CAPRIN2: variants seen among roughly 807,000 people sequenced by gnomAD.
CAPRIN2 encodes caprin family member 2.
In CAPRIN2, 66 loss-of-function variants were observed where a neutral mutation model predicts 130.4. The observed-to-expected ratio is 0.51, with a 90% CI of 0.42 to 0.62. CAPRIN2 has a LOEUF of 0.62. Ranked by LOEUF, CAPRIN2 falls within the 20% of genes least tolerant of loss-of-function variation. The probability of loss-of-function intolerance (pLI) is 0.00; values close to 1 mark genes in which losing one functional copy is unlikely to be tolerated. For synonymous variants in CAPRIN2, 471 were observed against 444.1 expected, an observed-to-expected ratio of 1.06 and a Z score of -0.76; for missense variants, 1,185 against 1,246.6, an observed-to-expected ratio of 0.95 and a Z score of 0.74.
chr12:30,735,656 G>T (rs1246265563), intron 3 of CAPRIN2, among the ~76,000 whole-genome samples: 1 of 152,096 alleles, frequency 6.6e-6, no homozygotes, highest in African/African-American at 2.4e-5. Flanking sequence ...AAGCATAAGG[G>T]GTTGAAAAGC....
Position 30,753,879 on chromosome 12 carries a change from C to T in CAPRIN2, c.-116G>A, listed in dbSNP as rs918021361. On this transcript the variant is annotated 5_prime_UTR_variant, in exon 1 of 17. Coordinates refer to ENST00000298892, the Ensembl canonical transcript of CAPRIN2. ...CGATTTTCCACATAGGGAGGAAGAA[C>T]TGCAACGGCTTCAGAGCTCCTTTCT... 5.2e-4 allele frequency: 501 copies of T among 963,636 alleles called. 2 individuals carry two copies. The highest frequency in any genetic ancestry group is 1.8e-3 in the South Asian group (112 of 61,408). The allele number at this position is 963,636 out of a possible 1,614,324, so 59.7% of individuals were successfully genotyped here.
At chr12:30,721,050 C>T (rs1013713909) in intron 11 of CAPRIN2, 135 bp from the exon 13 acceptor site, 9 of 624,122 alleles carry the variant, frequency 1.4e-5, no homozygotes, top group East Asian at 8.4e-5. Flanking sequence ...ACACTTTATA[C>T]GTGTTAATAT....
chr12:30,731,132 A>C (rs1199644644), intron 6 of CAPRIN2, among the ~76,000 whole-genome samples: 1 of 152,218 alleles, frequency 6.6e-6, no homozygotes, highest in East Asian at 1.9e-4. Context: ...ACAAAGTACA[A>C]ATTAATATTT....
exon 10 of CAPRIN2, chr12:30,724,418 C>G: frequency 6.2e-7 from 1 of 1,612,980 alleles, no homozygotes; most frequent in Non-Finnish European, 8.5e-7. Flanking sequence ...GTTGGAATTG[C>G]ACTTGAAGGT....
chr12:30,710,259 G>A lies in CAPRIN2; in HGVS notation c.2877C>T (p.Ala959=). Reference sequence around the variant, plus strand: ...CAATAGGTTGGTCTAAAGTTCCAGGGGCCAGATTAGAGGTTCTGGCTGCTG... The same window carrying A: ...CAATAGGTTGGTCTAAAGTTCCAGGAGCCAGATTAGAGGTTCTGGCTGCTG... The change falls in exon 17 of 17, where the codon GCC becomes GCT. Residue 959 remains alanine (A), a synonymous_variant. Coordinates refer to ENST00000298892, the Ensembl canonical transcript of CAPRIN2. The surrounding 1 kb of genome is among the most constrained non-coding windows in gnomAD (Gnocchi z 4.8). The A allele has an allele frequency of 6.2e-7, 1 of 1,614,108 alleles. No homozygotes were observed. Among genetic ancestry groups the A allele is most frequent in the Non-Finnish European group, 8.5e-7 (1 of 1,180,026 alleles).
exon 2 of CAPRIN2, chr12:30,751,109 G>C: frequency 6.2e-7 from 1 of 1,613,770 alleles, no homozygotes; most frequent in Non-Finnish European, 8.5e-7. Context: ...CTTTTCAGGC[G>C]ATCCTTATAA....
chr12:30,742,842 C>T (rs1350017702), intron 2 of CAPRIN2, among the ~76,000 whole-genome samples: 3 of 152,068 alleles, frequency 2.0e-5, no homozygotes, highest in Non-Finnish European at 2.9e-5. Flanking sequence ...TGTGTTTTAA[C>T]TTATATGGAA....
intron 2 of CAPRIN2, among the ~76,000 whole-genome samples, chr12:30,745,257 G>C (rs929401414): frequency 6.6e-6 from 1 of 152,112 alleles, no homozygotes; most frequent in Non-Finnish European, 1.5e-5. Context: ...GAATTCACTT[G>C]AATCTCAGCT....
chr12:30,731,811 T>C (rs1331091736), intron 5 of CAPRIN2, among the ~76,000 whole-genome samples: 1 of 152,034 alleles, frequency 6.6e-6, no homozygotes, highest in Non-Finnish European at 1.5e-5. Flanking sequence ...TGGACCTCCA[T>C]TTCCACCATT....
intron 12 of CAPRIN2, among the ~76,000 whole-genome samples, chr12:30,717,809 A>G (rs1402065141): frequency 3.3e-5 from 5 of 152,200 alleles, no homozygotes; most frequent in Non-Finnish European, 2.9e-5. Context: ...CTGTCCTTCT[A>G]TGACTCTCTA....
chr12:30,720,057 T>A (rs1485639610), intron 12 of CAPRIN2: 1 of 152,212 alleles, frequency 6.6e-6, no homozygotes, highest in Non-Finnish European at 1.5e-5. Context: ...GAATTGAAAT[T>A]GAAAGCACAA....
intron 8 of CAPRIN2, among the ~76,000 whole-genome samples, chr12:30,726,809 T>C (rs909889609): frequency 2.6e-5 from 4 of 152,196 alleles, no homozygotes; most frequent in African/African-American, 9.6e-5. Flanking sequence ...GGGACTCTTT[T>C]AGGAGGAAGG....
At chr12:30,719,770 C>T (rs2058799880) in intron 12 of CAPRIN2, 1 of 151,962 alleles carries the variant, frequency 6.6e-6, no homozygotes, top group Admixed American at 6.6e-5. Flanking sequence ...TACCAAAAAC[C>T]AATCTCAACT....
exon 1 of CAPRIN2, chr12:30,753,433 C>T (rs778750832): frequency 2.5e-6 from 4 of 1,614,088 alleles, no homozygotes; most frequent in African/African-American, 1.3e-5. Context: ...GGAGATGCAG[C>T]AGAACTCAGA....
At chr12:30,750,274 G>C (rs1376280940) in intron 2 of CAPRIN2, among the ~76,000 whole-genome samples, 1 of 152,164 alleles carries the variant, frequency 6.6e-6, no homozygotes, top group Non-Finnish European at 1.5e-5. Flanking sequence ...CAGTATCTAT[G>C]ATGTATAGCG....
At chr12:30,753,060 T>C (rs2074755582) in intron 1 of CAPRIN2, among the ~76,000 whole-genome samples, 1 of 152,194 alleles carries the variant, frequency 6.6e-6, no homozygotes, top group South Asian at 2.1e-4. Flanking sequence ...AAAAGAAACA[T>C]TAATACTACA....
At chr12:30,738,115 T>C (rs1051156148) in intron 3 of CAPRIN2, among the ~76,000 whole-genome samples, 1 of 151,724 alleles carries the variant, frequency 6.6e-6, no homozygotes, top group African/African-American at 2.4e-5. Flanking sequence ...AATTACCAGG[T>C]AAAATTAAAA....
At position 30,753,563 on chromosome 12, in the gene CAPRIN2, G is replaced by A; in HGVS notation, c.201C>T (p.Tyr67=). The A allele has an allele frequency of 3.7e-6, 6 of 1,614,112 alleles. No homozygotes were observed. Among genetic ancestry groups the A allele is most frequent in the African/African-American group, 1.3e-5 (1 of 75,008 alleles). ...CCTCTGAATGGCCTGAAGGTGACTG[G>A]TAACCAAAAGGGGATGAAAAGAGTT... The change falls in exon 1 of 17, where the codon TAC becomes TAT. Residue 67 remains tyrosine, a synonymous_variant. Transcript: ENST00000298892.
chr12:30,737,062 T>C (rs2065163931), intron 3 of CAPRIN2, among the ~76,000 whole-genome samples: 1 of 152,156 alleles, frequency 6.6e-6, no homozygotes, highest in Non-Finnish European at 1.5e-5. Context: ...TGGGGTGCAG[T>C]GGCACAGTCA....
Sources: allele counts gnomAD v4.1 joint callset (sites outside exome capture counted in the v4.1 genomes callset), GRCh38; gene constraint gnomAD v4.1.1; non-coding constraint Gnocchi (gnomAD v3.1); transcripts MANE v1.5; gene names NCBI Gene and HGNC (gene_info 2026-07-23, HGNC 2026-07-21).